LEPR: variants seen among roughly 807,000 people sequenced by gnomAD.
LEPR encodes leptin receptor, also known as OB receptor.
In LEPR, 56 loss-of-function variants were observed where a neutral mutation model predicts 114.7. That is an observed-to-expected ratio of 0.49 (90% CI 0.39 to 0.61). LEPR has a LOEUF of 0.61. Ranked by LOEUF, LEPR falls within the 20% of genes least tolerant of loss-of-function variation. LEPR has a pLI of 0.00. For synonymous variants in LEPR, 443 were observed against 461.4 expected (o/e 0.96, Z 0.51); for missense variants, 1,202 against 1,352.9 (o/e 0.89, Z 1.75).
intron 2 of LEPR, among the ~76,000 whole-genome samples, chr1:65,506,389 A>G (rs563215557): frequency 1.7e-4 from 26 of 152,344 alleles, no homozygotes; most frequent in African/African-American, 5.8e-4. Flanking sequence ...TTGAGTCTCA[A>G]AAACACACGT....
At chr1:65,426,010 A>G (rs1008591932) in intron 2 of LEPR, among the ~76,000 whole-genome samples, 1 of 152,338 alleles carries the variant, frequency 6.6e-6, no homozygotes, top group East Asian at 1.9e-4. Context: ...TTTGTGTTTC[A>G]GTGGGGGAGA....
chr1:65,536,923 C>T (rs1650816002), intron 2 of LEPR, among the ~76,000 whole-genome samples: 2 of 152,054 alleles, frequency 1.3e-5, no homozygotes, highest in African/African-American at 4.8e-5. Flanking sequence ...ATTCTTTCCT[C>T]AAATGGTCTT....
intron 14 of LEPR, among the ~76,000 whole-genome samples, chr1:65,610,567 T>G (rs1014391082): frequency 2.0e-5 from 3 of 152,232 alleles, no homozygotes; most frequent in Non-Finnish European, 4.4e-5. Flanking sequence ...GGGCCTCAGT[T>G]TTCTCATCTG....
At chr1:65,528,210 A>G (rs1650111143) in intron 2 of LEPR, among the ~76,000 whole-genome samples, 1 of 151,734 alleles carries the variant, frequency 6.6e-6, no homozygotes, top group Non-Finnish European at 1.5e-5. Context: ...TGCATTTTTC[A>G]TACTGAGAGC....
chr1:65,449,909 A>C (rs546097293), intron 2 of LEPR, among the ~76,000 whole-genome samples: 1 of 152,052 alleles, frequency 6.6e-6, no homozygotes, highest in Non-Finnish European at 1.5e-5. Flanking sequence ...ATGTTCATCT[A>C]AGCACTGTTT....
intron 2 of LEPR, among the ~76,000 whole-genome samples, chr1:65,526,816 A>G (rs1398811050): frequency 6.6e-6 from 1 of 152,172 alleles, no homozygotes; most frequent in Non-Finnish European, 1.5e-5. Flanking sequence ...AAAAAAGTAT[A>G]ATTCCTTAAC....
intron 5 of LEPR, chr1:65,578,393 A>G (rs549252445): frequency 5.5e-5 from 12 of 217,800 alleles, no homozygotes; most frequent in Non-Finnish European, 8.9e-5. Context: ...TAGACTTAGC[A>G]TAACTAATGG....
intron 2 of LEPR, among the ~76,000 whole-genome samples, chr1:65,539,047 A>G (rs1650982129): frequency 7.5e-6 from 1 of 132,632 alleles, no homozygotes; most frequent in South Asian, 2.6e-4. Context: ...TCTTTTTCTT[A>G]AACATTTATT....
intron 5 of LEPR, 46 bp from the exon 6 acceptor site, chr1:65,592,611 T>C (rs185584972): frequency 6.3e-7 from 1 of 1,598,728 alleles, no homozygotes; most frequent in African/African-American, 1.3e-5. Flanking sequence ...GCCTATCCAG[T>C]ATTTTCATAT....
intron 2 of LEPR, among the ~76,000 whole-genome samples, chr1:65,518,183 A>G (rs138288146): frequency 6.6e-6 from 1 of 152,292 alleles, no homozygotes; most frequent in East Asian, 1.9e-4. Context: ...TGGAGGTCCA[A>G]TAGCTTTCTT....
At chr1:65,613,519 C>T (rs1657314177) in intron 14 of LEPR, among the ~76,000 whole-genome samples, 1 of 96,814 alleles carries the variant, frequency 1.0e-5, no homozygotes, top group African/African-American at 3.4e-5. Flanking sequence ...TTTGGGAGGC[C>T]GAGGCGGGTG....
intron 2 of LEPR, among the ~76,000 whole-genome samples, chr1:65,454,106 C>T (rs1486473276): frequency 1.3e-5 from 2 of 150,766 alleles, no homozygotes; most frequent in Admixed American, 6.6e-5. Flanking sequence ...GATTGCAACC[C>T]CTGCCTTTTT....
intron 2 of LEPR, among the ~76,000 whole-genome samples, chr1:65,449,645 A>G (rs1057142794): frequency 6.7e-6 from 1 of 148,222 alleles, no homozygotes; most frequent in African/African-American, 2.5e-5. Context: ...TCCGGCAACT[A>G]CCTGTAGGTG....
intron 2 of LEPR, among the ~76,000 whole-genome samples, chr1:65,452,031 T>G (rs1189509393): frequency 6.6e-6 from 1 of 151,538 alleles, no homozygotes; most frequent in Non-Finnish European, 1.5e-5. Context: ...TTTTATTCTC[T>G]TTGAAGCAAT....
intron 5 of LEPR, among the ~76,000 whole-genome samples, chr1:65,579,660 G>C (rs1422057716): frequency 1.3e-5 from 2 of 152,206 alleles, no homozygotes; most frequent in Non-Finnish European, 2.9e-5. Flanking sequence ...TCACTTGGGT[G>C]CCTACTCTAG....
chr1:65,561,518 G>A (rs1377889340), intron 2 of LEPR, among the ~76,000 whole-genome samples: 2 of 49,390 alleles, frequency 4.0e-5, no homozygotes, highest in East Asian at 2.3e-4. Context: ...TGGATTCATT[G>A]ATTTTTTGAA....
chr1:65,461,261 C>T (rs1646942537), intron 2 of LEPR, among the ~76,000 whole-genome samples: 1 of 152,154 alleles, frequency 6.6e-6, no homozygotes, highest in Non-Finnish European at 1.5e-5. Flanking sequence ...AGGCGTGAGC[C>T]ACCATGCCTG....
At chr1:65,550,105 G>T (rs879543418) in intron 2 of LEPR, among the ~76,000 whole-genome samples, 1 of 152,192 alleles carries the variant, frequency 6.6e-6, no homozygotes, top group African/African-American at 2.4e-5. Flanking sequence ...CTGGGTATCA[G>T]CAGCAGTGTC....
intron 2 of LEPR, among the ~76,000 whole-genome samples, chr1:65,488,566 C>T (rs183475278): frequency 1.8e-4 from 28 of 151,704 alleles, no homozygotes; most frequent in South Asian, 1.5e-3. Flanking sequence ...TGAGCTCAAG[C>T]GGTCTGCTTG....
Sources: allele counts gnomAD v4.1 joint callset (sites outside exome capture counted in the v4.1 genomes callset), GRCh38; gene constraint gnomAD v4.1.1; transcripts MANE v1.5; gene names NCBI Gene and HGNC (gene_info 2026-07-23, HGNC 2026-07-21).